Variants in DBNDD1 observed in about 807,000 individuals in gnomAD.
DBNDD1 encodes dysbindin domain-containing protein 1.
A neutral mutation model predicts 17.0 loss-of-function variants in DBNDD1; 14 were observed. The observed-to-expected ratio is 0.82, with a 90% CI of 0.54 to 1.29. The LOEUF is 1.29. Ranked by LOEUF, DBNDD1 falls within the 50% of genes most tolerant of loss-of-function variation. The pLI, the probability that DBNDD1 is intolerant of heterozygous loss-of-function variation, is 0.00. For missense variants in DBNDD1, 221 were observed against 216.2 expected (o/e 1.02, Z -0.14); for synonymous variants, 105 against 102.0 (o/e 1.03, Z -0.18).
chr16:90,013,497 G>A (rs2035590937), intron 1 of DBNDD1, among the ~76,000 whole-genome samples: 1 of 152,140 alleles, frequency 6.6e-6, no homozygotes, highest in Non-Finnish European at 1.5e-5. Flanking sequence ...GCCATCACCT[G>A]TCAGCCTGTT....
chr16:90,009,577 G>T, intron 1 of DBNDD1, 147 bp from the exon 2 acceptor site: 2 of 1,253,512 alleles, frequency 1.6e-6, no homozygotes, highest in Admixed American at 2.2e-5. Context: ...TGGGCTTGTG[G>T]CCTCATGCCT....
intron 1 of DBNDD1, among the ~76,000 whole-genome samples, chr16:90,018,860 G>T (rs1176694200): frequency 6.6e-6 from 1 of 152,192 alleles, no homozygotes; most frequent in Non-Finnish European, 1.5e-5. Context: ...ATCCCTGCCC[G>T]CGAGTCTACG....
At chr16:90,009,548 C>T (rs2035511743) in intron 1 of DBNDD1, 118 bp from the exon 2 acceptor site, 2 of 1,475,390 alleles carry the variant, frequency 1.4e-6, no homozygotes, top group Non-Finnish European at 1.8e-6. Context: ...GGGCAGTGAC[C>T]AGCAGGTGAT....
In DBNDD1 at chr16:90,006,187, G is replaced by T; in HGVS notation, c.*148C>A. The T allele has an allele frequency of 8.8e-7, 1 of 1,140,796 alleles. No homozygotes were observed. The highest frequency in any genetic ancestry group is 1.2e-6 in the Non-Finnish European group (1 of 827,288). 70.7% of individuals were successfully genotyped at this position (1,140,796 alleles called of 1,614,324 possible). A position where few individuals can be genotyped will look rare whatever the true frequency, so the allele number is the denominator to read the frequency against. On this transcript the variant is annotated 3_prime_UTR_variant, in exon 4 of 4. Transcript: ENST00000002501. ...AGCAGACAAGGCCGGTCTCGGGGCT[G>T]GCAGAGAGCTGCCCCCAGGGTGTGT...
intron 2 of DBNDD1, 44 bp from the exon 3 acceptor site, chr16:90,008,968 A>C: frequency 6.6e-7 from 1 of 1,508,406 alleles, no homozygotes; most frequent in South Asian, 1.2e-5. Context: ...CCCTCCCACA[A>C]GGCTGCTCAG....
Position 90,006,184 on chromosome 16 carries a change from G to C in DBNDD1, c.*151C>G. On this transcript the variant is annotated 3_prime_UTR_variant, in exon 4 of 4. Coordinates refer to ENST00000002501, the MANE Select transcript of DBNDD1 (RefSeq NM_001042610.3). ...CCCAGCAGACAAGGCCGGTCTCGGGGCTGGCAGAGAGCTGCCCCCAGGGTG... is the reference window on the plus strand; with the variant it reads ...CCCAGCAGACAAGGCCGGTCTCGGGCCTGGCAGAGAGCTGCCCCCAGGGTG... 1 of 1,117,940 alleles carries C rather than the reference G, an allele frequency of 8.9e-7. No homozygotes were observed. Among genetic ancestry groups the C allele is most frequent in the Non-Finnish European group, 1.2e-6 (1 of 806,890 alleles). The allele number at this position is 1,117,940 out of a possible 1,614,324, so 69.3% of individuals were successfully genotyped here.
At chr16:90,014,731 G>A (rs952861930) in intron 1 of DBNDD1, among the ~76,000 whole-genome samples, 15 of 152,172 alleles carry the variant, frequency 9.9e-5, no homozygotes, top group Non-Finnish European at 2.1e-4. Context: ...TCGGCCGGGC[G>A]CGGTGGCTCA....
At chr16:90,009,652 C>T in intron 1 of DBNDD1, 10 of 665,178 alleles carry the variant, frequency 1.5e-5, no homozygotes, top group South Asian at 1.2e-4. Flanking sequence ...CCTGGCCTCC[C>T]CTAGTGAACA....
intron 3 of DBNDD1, among the ~76,000 whole-genome samples, chr16:90,007,936 CA>C (rs1248288943): frequency 2.0e-5 from 3 of 149,256 alleles, no homozygotes; most frequent in African/African-American, 5.0e-5. Flanking sequence ...ACCCCCCAAA[CA>C]CACCTCCCAG....
At chr16:90,007,476 C>T (rs563729885) in intron 3 of DBNDD1, 1 of 152,422 alleles carries the variant, frequency 6.6e-6, no homozygotes, top group African/African-American at 2.4e-5. Context: ...CGCGCTGTCG[C>T]ATCCTCATGA....
At chr16:90,011,176 G>A (rs1405918008) in intron 1 of DBNDD1, among the ~76,000 whole-genome samples, 1 of 152,262 alleles carries the variant, frequency 6.6e-6, no homozygotes, top group Non-Finnish European at 1.5e-5. Flanking sequence ...AGCTGGGTGT[G>A]CTTGAAGCCG....
chr16:90,019,451 G>T lies in DBNDD1; in HGVS notation c.-110C>A, dbSNP rs1316222930. On this transcript the variant is annotated 5_prime_UTR_variant, in exon 1 of 4. Coordinates refer to ENST00000002501, the MANE Select transcript of DBNDD1 (RefSeq NM_001042610.3). The surrounding 1 kb of genome is among the most constrained non-coding windows in gnomAD (Gnocchi z 6.1). ...CCCGGCTCCGGGCGCAGCGCATCGG[G>T]GCAGCAACCGGGGGGCCGCGGCGGC... 2.0e-6 allele frequency: 1 copy of T among 509,788 alleles called. No individual in the cohort carries two copies. The highest frequency in any genetic ancestry group is 2.7e-6 in the Non-Finnish European group (1 of 372,500). 31.6% of individuals were successfully genotyped at this position (509,788 alleles called of 1,614,324 possible). A position where few individuals can be genotyped will look rare whatever the true frequency, so the allele number is the denominator to read the frequency against.
chr16:90,008,714 T>C, intron 3 of DBNDD1, 70 bp downstream of exon 3: 1 of 1,492,774 alleles, frequency 6.7e-7, no homozygotes, highest in Non-Finnish European at 9.0e-7. Flanking sequence ...CACACACACC[T>C]CCCAGGACTT....
rs370305428 is a variant in DBNDD1, at chr16:90,006,443, C to T, written c.369G>A (p.Thr123=). The change falls in exon 4 of 4, where the codon ACG becomes ACA. Residue 123 remains threonine (T), a synonymous_variant. Coordinates refer to ENST00000002501, the MANE Select transcript of DBNDD1 (RefSeq NM_001042610.3). ...RAGYLRSPSW[T]RTRAEQSHEK... is the part of the protein sequence containing the mutation. ...CGTGGCTCTGCTCAGCCCTTGTCCT[C>T]GTCCAGGAAGGGGAGCGCAGGTAGC... is the stretch of plus-strand genomic sequence containing the variant. 2.5e-5 allele frequency: 40 copies of T among 1,601,838 alleles called. No homozygotes were observed. The highest frequency in any genetic ancestry group is 2.2e-4 in the East Asian group (10 of 44,884).
At chr16:90,016,567 C>A (rs1033448786) in intron 1 of DBNDD1, among the ~76,000 whole-genome samples, 1 of 152,300 alleles carries the variant, frequency 6.6e-6, no homozygotes, top group East Asian at 1.9e-4. Flanking sequence ...GGACCCAACC[C>A]CCCTGCAGGG....
At chr16:90,017,791 G>C (rs1331560722) in intron 1 of DBNDD1, among the ~76,000 whole-genome samples, 2 of 152,202 alleles carry the variant, frequency 1.3e-5, no homozygotes, top group African/African-American at 4.8e-5. Context: ...AGGAGTTGGT[G>C]TCAAGAGCGT....
intron 1 of DBNDD1, among the ~76,000 whole-genome samples, chr16:90,012,521 G>A (rs1409099549): frequency 1.3e-5 from 2 of 148,338 alleles, no homozygotes; most frequent in Non-Finnish European, 3.0e-5. Context: ...GTGCAATGGC[G>A]TGATCTTGGC....
At chr16:90,011,811 T>C in intron 1 of DBNDD1, 1 of 375,118 alleles carries the variant, frequency 2.7e-6, no homozygotes, top group South Asian at 2.0e-5. Context: ...GGGGGTGAGA[T>C]GTGGACTCTG....
At chr16:90,006,554 C>T (rs1382000804) in intron 3 of DBNDD1, 62 bp from the exon 4 acceptor site, 6 of 1,555,026 alleles carry the variant, frequency 3.9e-6, no homozygotes, top group Admixed American at 1.8e-5. Context: ...TGCTGCGGAG[C>T]TCCAGGTGCC....
Sources: allele counts gnomAD v4.1 joint callset (sites outside exome capture counted in the v4.1 genomes callset), GRCh38; gene constraint gnomAD v4.1.1; non-coding constraint Gnocchi (gnomAD v3.1); transcripts MANE v1.5; gene names NCBI Gene and HGNC (gene_info 2026-07-23, HGNC 2026-07-21).